NEIL3: variants seen among roughly 807,000 people sequenced by gnomAD.
NEIL3 encodes the protein nei like DNA glycosylase 3.
A neutral mutation model predicts 57.5 loss-of-function variants in NEIL3; 48 were observed. The ratio of observed to expected loss-of-function variants is 0.83; its 90% CI spans 0.66 to 1.06. The LOEUF (loss-of-function observed/expected upper bound fraction) is 1.06, where lower values mean the gene tolerates loss of function less well. NEIL3 is among the 50% of genes least tolerant of loss of function. The pLI, the probability that NEIL3 is intolerant of heterozygous loss-of-function variation, is 0.00. For missense variants in NEIL3, 717 were observed against 739.1 expected (o/e 0.97, Z 0.35); for synonymous variants, 261 against 253.2 (o/e 1.03, Z -0.29).
rs1560923665 is a variant in NEIL3 at position 177,360,510 on chromosome 4, C to A, written c.1468C>A (p.Gln490Lys). 6.2e-7 allele frequency: 1 copy of A among 1,613,288 alleles called. No individual in the cohort carries two copies. The highest frequency in any genetic ancestry group is 8.5e-7 in the Non-Finnish European group (1 of 1,179,500). Residue 490 changes from glutamine (Q) to lysine (K), a missense_variant, in exon 9 of 10, where the codon CAA becomes AAA. Physicochemically the swap from Gln to Lys is moderately conservative, Grantham distance 53. Coordinates refer to ENST00000264596, the MANE Select transcript of NEIL3 (RefSeq NM_018248.3). ...TGTAACCTGTCATTACAGTGAACTT[C>A]AAATTAATATGACAGATGGCCCTCG... ...CNPGYSNSEL[Q>K]INMTDGPRTL... is the part of the protein sequence containing the mutation.
At chr4:177,330,226 AT>A (rs1734856371) in intron 2 of NEIL3, among the ~76,000 whole-genome samples, 1 of 152,192 alleles carries the variant, frequency 6.6e-6, no homozygotes, top group African/African-American at 2.4e-5. Flanking sequence ...AATTTAAAGT[AT>A]TTGGAAATCA....
chr4:177,316,673 T>C (rs988193489), intron 1 of NEIL3, among the ~76,000 whole-genome samples: 6 of 152,136 alleles, frequency 3.9e-5, no homozygotes, highest in Admixed American at 3.3e-4. Context: ...GGCATCTATT[T>C]AATCCCACAA....
chr4:177,313,909 G>A (rs942119277), intron 1 of NEIL3, among the ~76,000 whole-genome samples: 20 of 152,174 alleles, frequency 1.3e-4, no homozygotes, highest in Non-Finnish European at 2.8e-4. Flanking sequence ...CTTTCATTAT[G>A]AGAATGTGTA....
chr4:177,360,102 G>A (rs1735578448), intron 8 of NEIL3, among the ~76,000 whole-genome samples: 2 of 152,206 alleles, frequency 1.3e-5, no homozygotes, highest in Non-Finnish European at 2.9e-5. Context: ...AGAGAAGATT[G>A]TGACTAGCTA....
intron 2 of NEIL3, among the ~76,000 whole-genome samples, chr4:177,330,431 TAGA>T (rs1483210627): frequency 2.0e-5 from 3 of 151,992 alleles, no homozygotes; most frequent in Non-Finnish European, 4.4e-5. Flanking sequence ...TATAAAAAAC[TAGA>T]AGAATAAGAG....
At chr4:177,319,351 A>G (rs894679437) in intron 1 of NEIL3, among the ~76,000 whole-genome samples, 7 of 152,232 alleles carry the variant, frequency 4.6e-5, no homozygotes, top group Admixed American at 4.6e-4. Context: ...AGAGCCAGTC[A>G]GGTGCACTGA....
Position 177,353,456 on chromosome 4 carries a change from CAATA to C in NEIL3, c.1192_1195del (p.Lys398ProfsTer14), listed in dbSNP as rs781604599. ...CAACTCTTGTCTTGACTGATTTTAG[CAATA>C]AATCCAGTACTTTGGAAAGAAAAAC... On this transcript the variant is annotated frameshift_variant, in exon 8 of 10. Transcript: ENST00000264596. LOFTEE classifies it high-confidence loss of function. The C allele has an allele frequency of 6.2e-7, 1 of 1,613,820 alleles. No individual in the cohort carries two copies.
At chr4:177,332,182 A>ACT (rs533945919) in intron 2 of NEIL3, among the ~76,000 whole-genome samples, 9 of 152,076 alleles carry the variant, frequency 5.9e-5, no homozygotes, top group African/African-American at 2.2e-4. Flanking sequence ...TGGCAGCCAA[A>ACT]CTCTGCCTTG....
intron 1 of NEIL3, among the ~76,000 whole-genome samples, chr4:177,312,845 A>G (rs1042206247): frequency 6.6e-6 from 1 of 151,950 alleles, no homozygotes; most frequent in Non-Finnish European, 1.5e-5. Flanking sequence ...CTATGGCTTC[A>G]TTTTCTGGGA....
At chr4:177,345,679 CTTTTTTTTTT>C (rs55741585) in intron 6 of NEIL3, among the ~76,000 whole-genome samples, 6,559 of 78,378 alleles carry the variant, frequency 0.084, 252 homozygotes, top group African/African-American at 0.18. Context: ...CCACGCCTGG[CTTTTTTTTTT>C]TTTTTTTTTT....
chr4:177,310,591 T>A (rs1000507878), intron 1 of NEIL3, among the ~76,000 whole-genome samples: 3 of 152,236 alleles, frequency 2.0e-5, no homozygotes, highest in Non-Finnish European at 4.4e-5. Context: ...GTAGAAAATT[T>A]AGCACTAACT....
At chr4:177,351,677 G>A (rs1735356251) in intron 7 of NEIL3, 128 bp downstream of exon 7, 1 of 761,252 alleles carries the variant, frequency 1.3e-6, no homozygotes, top group Admixed American at 2.6e-5. Flanking sequence ...AAGGTTTAAA[G>A]GAATTGCCAG....
chr4:177,310,251 C>A, intron 1 of NEIL3, 142 bp downstream of exon 1: 1 of 1,003,492 alleles, frequency 1.0e-6, no homozygotes, highest in Non-Finnish European at 1.4e-6. Flanking sequence ...AGTTTATCGT[C>A]ACTTTACTGT....
the NEIL3 span, among the ~76,000 whole-genome samples, chr4:177,370,863 T>G: frequency 6.6e-6 from 1 of 151,806 alleles, no homozygotes; most frequent in Admixed American, 6.6e-5. Flanking sequence ...ATCATACCAC[T>G]GCCCTCCAGC....
intron 6 of NEIL3, among the ~76,000 whole-genome samples, chr4:177,350,045 G>A (rs943496647): frequency 6.6e-6 from 1 of 152,102 alleles, no homozygotes; most frequent in African/African-American, 2.4e-5. Context: ...AAAGTCAAGG[G>A]AAGTAAAGAT....
chr4:177,337,361 TA>T (rs2110908270), intron 4 of NEIL3, among the ~76,000 whole-genome samples: 1 of 152,332 alleles, frequency 6.6e-6, no homozygotes, highest in South Asian at 2.1e-4. Context: ...AAACCCAGGT[TA>T]TTTTTTTACT....
At chr4:177,364,957 T>C (rs1313465569), downstream of NEIL3, among the ~76,000 whole-genome samples, 2 of 151,254 alleles carry the variant, frequency 1.3e-5, no homozygotes, top group African/African-American at 2.4e-5. Flanking sequence ...AGCCAAGATA[T>C]TATCTGCCAT....
In NEIL3 at chr4:177,356,015, T is replaced by TTAAG. The variant is rs1248988202; in HGVS notation, c.1460+2287_1460+2288insTAAG. ...CACTTTAACCCTAATTAGTGCCTCA[T>TTAAG]GATAGAAGTTCATTAAGGAGTTAAT... On this transcript the variant is annotated intron_variant, in intron 8 of 9. Coordinates refer to ENST00000264596, the MANE Select transcript of NEIL3 (RefSeq NM_018248.3). Among the ~76,000 whole-genome samples the TTAAG allele has an allele frequency of 5.5e-4, 84 of 152,334 alleles. No individual in the cohort carries two copies. The Middle Eastern group carries it at 0.01, about 19-fold the overall frequency.
chr4:177,329,011 G>A (rs1277787856), intron 2 of NEIL3, among the ~76,000 whole-genome samples: 2 of 152,074 alleles, frequency 1.3e-5, no homozygotes, highest in African/African-American at 4.8e-5. Flanking sequence ...CATATCATTT[G>A]AAGATTTGCA....
Sources: allele counts gnomAD v4.1 joint callset (sites outside exome capture counted in the v4.1 genomes callset), GRCh38; gene constraint gnomAD v4.1.1; transcripts MANE v1.5; gene names NCBI Gene and HGNC (gene_info 2026-07-23, HGNC 2026-07-21).